The following PADI3 variants were observed in gnomAD, a reference collection of about 807,000 sequenced individuals.
PADI3 encodes peptidyl arginine deiminase 3, also known as protein-arginine deiminase type-3.
PADI3 carries 53 observed loss-of-function variants against 71.5 expected under a neutral mutation model. That is an observed-to-expected ratio of 0.74 (90% confidence interval 0.59 to 0.93). The LOEUF is 0.93. Among genes scored for constraint, PADI3 ranks in the 40% least tolerant of loss-of-function variants. The probability of loss-of-function intolerance (pLI) is 0.00; values close to 1 mark genes in which losing one functional copy is unlikely to be tolerated. For missense variants in PADI3, 821 were observed against 868.0 expected (o/e 0.95, Z 0.68); for synonymous variants, 361 against 347.5 (o/e 1.04, Z -0.43).
Position 17,250,378 on chromosome 1 carries a change from A to G in PADI3, c.92+1149A>G, listed in dbSNP as rs534079243. On this transcript the variant is annotated intron_variant, in intron 1 of 15. Coordinates refer to ENST00000375460, the MANE Select transcript of PADI3 (RefSeq NM_016233.2). The stretch of plus-strand genomic sequence containing the variant: ...CAGCAGCACACTCCCGAGTTGTGAC[A>G]ACCAAAAATGTCCCCAGACATTGCC... 2.0e-5 allele frequency among the ~76,000 whole-genome samples: 3 copies of G among 152,328 alleles called. No individual in the cohort carries two copies. The South Asian group carries it at 6.2e-4, about 32-fold the overall frequency.
In PADI3 at chr1:17,249,203, C is replaced by T. The variant is rs1344213588; in HGVS notation, c.66C>T (p.Gly22=). 5 of 1,613,906 alleles carry T rather than the reference C, an allele frequency of 3.1e-6. No homozygotes were observed. The highest frequency in any genetic ancestry group is 1.7e-5 in the Admixed American group (1 of 59,998). The change falls in exon 1 of 16, where the codon GGC becomes GGT. Residue 22 remains glycine, a synonymous_variant. Transcript: ENST00000375460. ...CCACCAGCGCGGTGTGTGTGGCTGG[C>T]GTGGAGACCCTCGTGGACATTTATG... The part of the protein sequence containing the change: ...EHPTSAVCVA[G]VETLVDIYGS...
At chr1:17,271,857 AGAG>A (rs1557509550) in intron 9 of PADI3, among the ~76,000 whole-genome samples, 177 of 105,130 alleles carry the variant, frequency 1.7e-3, no homozygotes, top group African/African-American at 5.6e-3. Flanking sequence ...AAAAAAAAAG[AGAG>A]AGAGAGAGAG....
intron 1 of PADI3, among the ~76,000 whole-genome samples, chr1:17,253,232 C>A (rs2072987697): frequency 6.6e-6 from 1 of 152,128 alleles, no homozygotes; most frequent in African/African-American, 2.4e-5. Context: ...CCCCAGAGCT[C>A]CAGGTGTTCT....
At chr1:17,256,766 G>T (rs1410347447) in intron 1 of PADI3, among the ~76,000 whole-genome samples, 3 of 152,202 alleles carry the variant, frequency 2.0e-5, no homozygotes, top group African/African-American at 7.2e-5. Context: ...GCCAGGCGCG[G>T]TGGCTCGCGC....
intron 5 of PADI3, 56 bp downstream of exon 5, chr1:17,266,892 C>A: frequency 7.6e-7 from 1 of 1,320,536 alleles, no homozygotes; most frequent in Non-Finnish European, 1.1e-6. Context: ...TCAGTTACCC[C>A]ATGGGAGTTC....
intron 3 of PADI3, among the ~76,000 whole-genome samples, chr1:17,265,031 C>T (rs534773213): frequency 6.7e-6 from 1 of 148,476 alleles, no homozygotes; most frequent in East Asian, 1.9e-4. Context: ...AAAATCCTAT[C>T]TAATGTATTC....
chr1:17,262,910 T>G (rs182602126), intron 3 of PADI3, among the ~76,000 whole-genome samples: 1,587 of 152,008 alleles, frequency 0.01, 33 homozygotes, highest in African/African-American at 0.036. Context: ...AACGTGGCTT[T>G]TTTGTTTGTT....
intron 4 of PADI3, 128 bp from the exon 5 acceptor site, chr1:17,266,591 G>T: frequency 1.4e-6 from 1 of 736,484 alleles, no homozygotes. Flanking sequence ...TCTTGAGAAG[G>T]AGGTGCTTCG....
At chr1:17,280,166 T>A (rs1042286076) in intron 13 of PADI3, among the ~76,000 whole-genome samples, 184 bp from the exon 14 acceptor site, 1 of 152,190 alleles carries the variant, frequency 6.6e-6, no homozygotes, top group Admixed American at 6.5e-5. Context: ...TACCCCAAGA[T>A]GTGCACAGTG....
intron 7 of PADI3, 57 bp from the exon 8 acceptor site, chr1:17,270,822 C>T: frequency 7.9e-7 from 1 of 1,261,576 alleles, no homozygotes; most frequent in Middle Eastern, 2.0e-4. Context: ...ATCAGAGTCC[C>T]CCCAGGCCTC....
chr1:17,274,775 C>A lies in PADI3; in HGVS notation c.1296C>A (p.Gly432=). ...CCCTGGGGAGGATCCTCATTGGGGG[C>A]AACCTGCCTGGGTGAGAGAGAGACA... ...EYPLGRILIG[G]NLPGSSGRRV... Residue 432 remains glycine (G), a synonymous_variant, in exon 11 of 16, where the codon GGC becomes GGA. Transcript: ENST00000375460. The A allele has an allele frequency of 6.2e-7, 1 of 1,613,428 alleles. No individual in the cohort carries two copies. Among genetic ancestry groups the A allele is most frequent in the Non-Finnish European group, 8.5e-7 (1 of 1,179,628 alleles).
intron 1 of PADI3, among the ~76,000 whole-genome samples, chr1:17,259,342 A>C (rs6679788): frequency 0.18 from 27,587 of 152,036 alleles, 2,609 homozygotes; most frequent in African/African-American, 0.22. Context: ...CAAGTGATCC[A>C]TCCGCCTCGG....
chr1:17,280,416 A>G lies in PADI3; in HGVS notation c.1622A>G (p.Asn541Ser), dbSNP rs2100604905. ...VLSNKDLINYNKFVQSCIDWN... is the reference protein window; with the variant it reads ...VLSNKDLINYSKFVQSCIDWN... The stretch of plus-strand genomic sequence containing the variant: ...TCCAATAAAGACCTCATCAACTACA[A>G]TAAGTTTGTGCAGGTACAAGGGCTG... Residue 541 changes from asparagine to serine, a missense_variant, in exon 14 of 16, where the codon AAT becomes AGT. By Grantham distance (46) the Asn-to-Ser change is conservative. Transcript: ENST00000375460. The G allele has an allele frequency of 6.2e-7, 1 of 1,613,542 alleles. No homozygotes were observed. Among genetic ancestry groups the G allele is most frequent in the Non-Finnish European group, 8.5e-7 (1 of 1,179,456 alleles).
At chr1:17,265,789 G>A in intron 4 of PADI3, 69 bp downstream of exon 4, 1 of 1,394,416 alleles carries the variant, frequency 7.2e-7, no homozygotes, top group Non-Finnish European at 1.0e-6. Context: ...GGGTTAAGAA[G>A]GATGAGGCCA....
intron 13 of PADI3, among the ~76,000 whole-genome samples, chr1:17,277,107 G>A (rs2073344354): frequency 6.6e-6 from 1 of 152,236 alleles, no homozygotes; most frequent in Non-Finnish European, 1.5e-5. Context: ...GGACTGAGCG[G>A]GGACATAGTG....
chr1:17,274,088 G>A (rs777479974), intron 10 of PADI3, among the ~76,000 whole-genome samples: 2 of 152,222 alleles, frequency 1.3e-5, no homozygotes, highest in Non-Finnish European at 2.9e-5. Context: ...GTGCCGTAAA[G>A]AACAAGAGAC....
Position 17,259,642 on chromosome 1 carries a change from T to G in PADI3, c.157T>G (p.Ser53Ala). 6.2e-7 allele frequency: 1 copy of G among 1,613,760 alleles called. No individual in the cohort carries two copies. The highest frequency in any genetic ancestry group is 8.5e-7 in the Non-Finnish European group (1 of 1,179,770). Residue 53 changes from serine (S) to alanine (A), a missense_variant, in exon 2 of 16, where the codon TCT becomes GCT. By Grantham distance (99) the Ser-to-Ala change is moderately conservative (BLOSUM62 1). Coordinates refer to ENST00000375460, the MANE Select transcript of PADI3 (RefSeq NM_016233.2). ...GACGCCTGGCGTGGACATCTACATCTCTCCCAACATGGAGAGGGGCCGGGA... is the reference window on the plus strand; with the variant it reads ...GACGCCTGGCGTGGACATCTACATCGCTCCCAACATGGAGAGGGGCCGGGA... ...YGTPGVDIYI[S>A]PNMERGRERA...
intron 1 of PADI3, among the ~76,000 whole-genome samples, chr1:17,258,964 G>A (rs1000447365): frequency 1.3e-5 from 2 of 152,242 alleles, no homozygotes; most frequent in Admixed American, 1.3e-4. Context: ...CGAGCACATG[G>A]CTGGCTTCTG....
At position 17,249,216 on chromosome 1, in the gene PADI3, G is replaced by A; in HGVS notation, c.79G>A (p.Val27Met). 2 of 1,613,834 alleles carry A rather than the reference G, an allele frequency of 1.2e-6. No homozygotes were observed. Among genetic ancestry groups the A allele is most frequent in the Non-Finnish European group, 1.7e-6 (2 of 1,179,716 alleles). Residue 27 changes from valine (V) to methionine (M), a missense_variant, in exon 1 of 16, where the codon GTG becomes ATG. Coordinates refer to ENST00000375460, the MANE Select transcript of PADI3 (RefSeq NM_016233.2). ...GTGTGTGGCTGGCGTGGAGACCCTCGTGGACATTTATGGGTAAGAGTCAGA... is the reference window on the plus strand; with the variant it reads ...GTGTGTGGCTGGCGTGGAGACCCTCATGGACATTTATGGGTAAGAGTCAGA... ...AVCVAGVETL[V>M]DIYGSVPEGT...
Sources: allele counts gnomAD v4.1 joint callset (sites outside exome capture counted in the v4.1 genomes callset), GRCh38; gene constraint gnomAD v4.1.1; transcripts MANE v1.5; gene names NCBI Gene and HGNC (gene_info 2026-07-23, HGNC 2026-07-21).